Variants in EFCAB10 observed in about 807,000 individuals in gnomAD.
EFCAB10 encodes the protein EF-hand calcium-binding domain-containing protein 10.
Under a neutral mutation model 7.7 loss-of-function variants are expected in EFCAB10, and 7 were observed. That is an observed-to-expected ratio of 0.91 (90% CI 0.52 to 1.72). The LOEUF (loss-of-function observed/expected upper bound fraction) is 1.72. EFCAB10 is among the 40% of genes most tolerant of loss of function. The probability of loss-of-function intolerance (pLI) is 0.00; values close to 1 mark genes in which losing one functional copy is unlikely to be tolerated. For synonymous variants in EFCAB10, 52 were observed against 21.0 expected (o/e 2.47, Z -4.03); for missense variants, 112 against 61.5 (o/e 1.82, Z -2.74).
Position 105,565,270 on chromosome 7 carries a change from TTTCCAGATGG to T in EFCAB10, c.*167_*176del. The T allele has an allele frequency of 6.4e-7, 1 of 1,561,828 alleles. No homozygotes were observed. Among genetic ancestry groups the T allele is most frequent in the Non-Finnish European group, 8.7e-7 (1 of 1,155,478 alleles). On this transcript the variant is annotated 3_prime_UTR_variant, in exon 5 of 5. Transcript: ENST00000480514. Reference sequence around the variant, plus strand: ...AAAATTTTTTGGTAAAAATGTGTTTTTTCCAGATGGTTGTCCTTGCCATCTCAGTCAGAGC... The same window carrying T: ...AAAATTTTTTGGTAAAAATGTGTTTTTTGTCCTTGCCATCTCAGTCAGAGC...
chr7:105,578,899 A>G (rs1361394784), intron 1 of EFCAB10, among the ~76,000 whole-genome samples: 1 of 152,110 alleles, frequency 6.6e-6, no homozygotes, highest in East Asian at 1.9e-4. Flanking sequence ...GAGTCTCCCT[A>G]GTAGCTGGGA....
At chr7:105,568,584 G>A (rs1562865371) in intron 3 of EFCAB10, among the ~76,000 whole-genome samples, 1 of 152,116 alleles carries the variant, frequency 6.6e-6, no homozygotes, top group Non-Finnish European at 1.5e-5. Context: ...AAATGTTTCT[G>A]TTTGTTAGTT....
chr7:105,571,616 T>A (rs1403887195), intron 1 of EFCAB10: 3 of 152,224 alleles, frequency 2.0e-5, no homozygotes, highest in Admixed American at 6.5e-5. Context: ...TGATAGCATC[T>A]GCTTATTATG....
chr7:105,569,706 C>T, intron 1 of EFCAB10, 135 bp from the exon 2 acceptor site: 1 of 586,360 alleles, frequency 1.7e-6, no homozygotes, highest in East Asian at 2.8e-5. Flanking sequence ...CCTTAGTTTT[C>T]ATAAACAGTC....
At chr7:105,574,492 C>CTT (rs113880887) in intron 1 of EFCAB10, among the ~76,000 whole-genome samples, 33 of 147,414 alleles carry the variant, frequency 2.2e-4, no homozygotes, top group African/African-American at 6.7e-4. Flanking sequence ...AGGGAAGCTC[C>CTT]TTTTTTTTTT....
chr7:105,574,458 A>C (rs1412008037), intron 1 of EFCAB10, among the ~76,000 whole-genome samples: 1 of 151,780 alleles, frequency 6.6e-6, no homozygotes, highest in Non-Finnish European at 1.5e-5. Context: ...CATGGATGGC[A>C]GCAGGCAAAG....
chr7:105,578,571 G>A (rs923794091), intron 1 of EFCAB10, among the ~76,000 whole-genome samples: 3 of 151,904 alleles, frequency 2.0e-5, no homozygotes, highest in Non-Finnish European at 4.4e-5. Flanking sequence ...CCATTCCAAG[G>A]CATATATTTA....
At position 105,565,555 on chromosome 7, in the gene EFCAB10, AAGG is replaced by A. The variant is rs1304094668; in HGVS notation, c.*-111_*-109del. 1.2e-6 allele frequency: 2 copies of A among 1,613,924 alleles called. No homozygotes were observed. Among genetic ancestry groups the A allele is most frequent in the Non-Finnish European group, 8.5e-7 (1 of 1,179,872 alleles). ...ATAATTCTTGCTAATCACTTCAATG[AAGG>A]AGGAGCAGCCCAGCTGCAGTTTGAT... is the stretch of plus-strand genomic sequence containing the variant. On this transcript the variant is annotated intron_variant, in intron 4 of 4. Transcript: ENST00000480514.
At chr7:105,576,400 C>T (rs1376396804) in intron 1 of EFCAB10, among the ~76,000 whole-genome samples, 1 of 152,022 alleles carries the variant, frequency 6.6e-6, no homozygotes, top group Non-Finnish European at 1.5e-5. Context: ...GTTTCCTCTC[C>T]CCAGCTTTGG....
At chr7:105,577,926 G>T (rs1792124790) in intron 1 of EFCAB10, among the ~76,000 whole-genome samples, 1 of 152,000 alleles carries the variant, frequency 6.6e-6, no homozygotes, top group South Asian at 2.1e-4. Flanking sequence ...CACCATATCT[G>T]GATAATTTTG....
chr7:105,572,482 C>T (rs775306736), intron 1 of EFCAB10: 18 of 152,132 alleles, frequency 1.2e-4, no homozygotes, highest in African/African-American at 3.4e-4. Context: ...AATAGTGCTG[C>T]GATGAATACA....
rs1172852025 is a variant in EFCAB10, at chr7:105,565,266, G to A, written c.*181C>T. ...GATGAAAATTTTTTGGTAAAAATGTGTTTTTTCCAGATGGTTGTCCTTGCC... is the reference window on the plus strand; with the variant it reads ...GATGAAAATTTTTTGGTAAAAATGTATTTTTTCCAGATGGTTGTCCTTGCC... On this transcript the variant is annotated 3_prime_UTR_variant, in exon 5 of 5. Transcript: ENST00000480514. 5 of 1,561,096 alleles carry A rather than the reference G, an allele frequency of 3.2e-6. No individual in the cohort carries two copies. Among genetic ancestry groups the A allele is most frequent in the Non-Finnish European group, 4.3e-6 (5 of 1,154,954 alleles).
intron 3 of EFCAB10, among the ~76,000 whole-genome samples, 192 bp downstream of exon 3, chr7:105,569,011 C>T (rs1465092751): frequency 6.6e-6 from 1 of 151,456 alleles, no homozygotes. Flanking sequence ...CTAACCCCAG[C>T]ATTTTCCCTT....
chr7:105,579,057 C>T (rs896212994), intron 1 of EFCAB10, among the ~76,000 whole-genome samples: 1 of 152,146 alleles, frequency 6.6e-6, no homozygotes, highest in Non-Finnish European at 1.5e-5. Context: ...TGTGAGCCTC[C>T]GTGCACAGCC....
At chr7:105,580,637 G>GT (rs1158916939) in intron 1 of EFCAB10, among the ~76,000 whole-genome samples, 1 of 151,960 alleles carries the variant, frequency 6.6e-6, no homozygotes, top group Non-Finnish European at 1.5e-5. Flanking sequence ...TTGGTTGGGT[G>GT]TTTTTTGGCA....
intron 1 of EFCAB10, among the ~76,000 whole-genome samples, chr7:105,580,092 C>T (rs189053488): frequency 6.6e-6 from 1 of 152,112 alleles, no homozygotes; most frequent in Non-Finnish European, 1.5e-5. Context: ...TTCACGTGAT[C>T]CTCCCACATC....
intron 1 of EFCAB10, among the ~76,000 whole-genome samples, chr7:105,579,416 C>T (rs1706906): frequency 6.6e-6 from 1 of 152,150 alleles, no homozygotes; most frequent in Non-Finnish European, 1.5e-5. Flanking sequence ...AATGAGAGGA[C>T]AGCTGTACTG....
chr7:105,574,153 CATAT>C (rs1562868164), intron 1 of EFCAB10, among the ~76,000 whole-genome samples: 3 of 139,024 alleles, frequency 2.2e-5, no homozygotes, highest in African/African-American at 7.9e-5. Flanking sequence ...TATACACATA[CATAT>C]ATATACACAC....
intron 1 of EFCAB10, among the ~76,000 whole-genome samples, chr7:105,580,740 C>T (rs1792208431): frequency 6.6e-6 from 1 of 152,082 alleles, no homozygotes; most frequent in Admixed American, 6.5e-5. Flanking sequence ...CGGCAAATTA[C>T]AATTCTGCAC....
Sources: gnomAD v4.1 joint callset for allele counts (sites outside exome capture counted in the v4.1 genomes callset) on GRCh38, gnomAD v4.1.1 for gene constraint, MANE v1.5 for transcripts, NCBI Gene and HGNC (gene_info 2026-07-23, HGNC 2026-07-21) for gene names.